ADGRV1: variants seen among roughly 807,000 people sequenced by gnomAD.
The protein encoded by ADGRV1 is adhesion G protein-coupled receptor V1, also known as G-protein coupled receptor 98.
A neutral mutation model predicts 596.2 loss-of-function variants in ADGRV1; 359 were observed. The ratio of observed to expected loss-of-function variants is 0.60; its 90% CI spans 0.55 to 0.66. The LOEUF (loss-of-function observed/expected upper bound fraction) is 0.66, where lower values mean the gene tolerates loss of function less well. Ranked by LOEUF, ADGRV1 falls within the 30% of genes least tolerant of loss-of-function variation. The probability of loss-of-function intolerance (pLI) is 0.00; values close to 1 mark genes in which losing one functional copy is unlikely to be tolerated. For missense variants in ADGRV1, 7,274 were observed against 7,575.6 expected (o/e 0.96, Z 1.48); for synonymous variants, 2,681 against 2,679.2 (o/e 1.00, Z -0.02).
chr5:90,629,029 A>T (rs1407175540), intron 8 of ADGRV1, 181 bp from the exon 9 acceptor site: 2 of 656,854 alleles, frequency 3.0e-6, no homozygotes, highest in African/African-American at 3.6e-5. Flanking sequence ...ACAAACTGTG[A>T]TTTAGGAATA....
chr5:91,154,718 T>G (rs928289616), intron 89 of ADGRV1, among the ~76,000 whole-genome samples: 3 of 152,134 alleles, frequency 2.0e-5, no homozygotes, highest in African/African-American at 7.2e-5. Flanking sequence ...AAATGTACAA[T>G]CATGGCGGAA....
intron 86 of ADGRV1, among the ~76,000 whole-genome samples, chr5:91,078,214 A>C (rs961287512): frequency 2.0e-5 from 3 of 152,070 alleles, no homozygotes; most frequent in Admixed American, 6.5e-5. Context: ...ATTATTATAA[A>C]AATTATTGAA....
intron 85 of ADGRV1, among the ~76,000 whole-genome samples, chr5:90,998,438 C>G (rs1400285083): frequency 6.6e-6 from 1 of 151,900 alleles, no homozygotes; most frequent in Non-Finnish European, 1.5e-5. Context: ...GTATGTAATA[C>G]CCTGTATCGG....
intron 83 of ADGRV1, 30 bp from the exon 84 acceptor site, chr5:90,965,385 T>G: frequency 7.5e-7 from 1 of 1,336,156 alleles, no homozygotes; most frequent in Non-Finnish European, 1.1e-6. Flanking sequence ...TTTAGCATAT[T>G]TTAAAAATAG....
At chr5:91,091,869 G>A (rs1254477303) in intron 86 of ADGRV1, 1 of 152,090 alleles carries the variant, frequency 6.6e-6, no homozygotes, top group Non-Finnish European at 1.5e-5. Flanking sequence ...TTACATCAGG[G>A]AGGGCCATCT....
intron 84 of ADGRV1, among the ~76,000 whole-genome samples, chr5:90,970,482 G>A (rs1443960639): frequency 6.6e-6 from 1 of 151,796 alleles, no homozygotes; most frequent in Non-Finnish European, 1.5e-5. Context: ...CCCAGTAGGG[G>A]CAGACTGACA....
chr5:90,823,951 A>G (rs1420306840), intron 76 of ADGRV1, among the ~76,000 whole-genome samples: 3 of 152,226 alleles, frequency 2.0e-5, no homozygotes, highest in African/African-American at 7.2e-5. Flanking sequence ...ACTTACATAC[A>G]AAGAAAAAAA....
intron 59 of ADGRV1, among the ~76,000 whole-genome samples, chr5:90,772,743 A>G (rs1303315221): frequency 1.3e-5 from 2 of 152,218 alleles, no homozygotes; most frequent in Non-Finnish European, 2.9e-5. Flanking sequence ...ACCTTGGAGA[A>G]ATTACTGTAC....
chr5:90,722,032 T>C (rs1054081866), intron 45 of ADGRV1, among the ~76,000 whole-genome samples: 4 of 152,236 alleles, frequency 2.6e-5, no homozygotes, highest in African/African-American at 9.6e-5. Flanking sequence ...ATAGTGTTAA[T>C]GGAAAGCCTT....
At position 90,756,556 on chromosome 5, in the gene ADGRV1, G is replaced by A. The variant is rs779635749; in HGVS notation, c.11683G>A (p.Gly3895Arg). 10 of 1,613,432 alleles carry A rather than the reference G, an allele frequency of 6.2e-6. No individual in the cohort carries two copies. Among genetic ancestry groups the A allele is most frequent in the African/African-American group, 2.7e-5 (2 of 74,902 alleles). ...AGGACAGCCAAGTGTGCGGAGGCCC[G>A]GAATGGAAATAGCTGAGATAATGAT... is the stretch of plus-strand genomic sequence containing the variant. ...STGQPSVRRP[G>R]MEIAEIMIEE... The change falls in exon 56 of 90, where the codon GGA (glycine) becomes AGA (arginine). Residue 3895 changes from glycine (G) to arginine (R), a missense_variant. Gly to Arg is a moderately radical substitution (Grantham distance 125). Around this residue, in one of 5 missense-constraint regions of ADGRV1, gnomAD observed 3,643 missense variants for 3,809.2 expected, o/e 0.96. Coordinates refer to ENST00000405460, the MANE Select transcript of ADGRV1 (RefSeq NM_032119.4).
intron 85 of ADGRV1, among the ~76,000 whole-genome samples, chr5:91,037,250 T>C (rs756947508): frequency 3.9e-5 from 6 of 152,150 alleles, no homozygotes; most frequent in Non-Finnish European, 7.3e-5. Context: ...ATCTTTTCAG[T>C]AGAAGGACAC....
rs1180433062 is a variant in ADGRV1 at position 90,838,862 on chromosome 5, A to G, written c.16612-1716A>G. Among the ~76,000 whole-genome samples the G allele has an allele frequency of 4.6e-5, 7 of 151,856 alleles. No individual in the cohort carries two copies. In the South Asian group the frequency reaches 6.2e-4, roughly 14 times the overall value. ...TTGATATAGCGAGACCCTCATCTCG[A>G]AAAAAAACCCAAAATGAAACAAACA... On this transcript the variant is annotated intron_variant, in intron 77 of 89. Coordinates refer to ENST00000405460, the MANE Select transcript of ADGRV1 (RefSeq NM_032119.4).
intron 85 of ADGRV1, among the ~76,000 whole-genome samples, chr5:91,052,681 G>A (rs776533690): frequency 3.9e-5 from 6 of 151,996 alleles, no homozygotes; most frequent in African/African-American, 7.3e-5. Context: ...TGATCCACCC[G>A]CCTTGGCCTC....
At chr5:91,126,880 C>G (rs530740989) in intron 87 of ADGRV1, among the ~76,000 whole-genome samples, 1 of 152,230 alleles carries the variant, frequency 6.6e-6, no homozygotes, top group African/African-American at 2.4e-5. Context: ...GGATGTGCCT[C>G]TCTCGGAGGC....
chr5:90,611,866 TA>T (rs1163740719), intron 1 of ADGRV1, among the ~76,000 whole-genome samples: 1 of 152,030 alleles, frequency 6.6e-6, no homozygotes, highest in Non-Finnish European at 1.5e-5. Context: ...CTAGCTACTC[TA>T]AAAAATAAAC....
chr5:90,679,219 A>G (rs1744628424), intron 25 of ADGRV1, among the ~76,000 whole-genome samples: 1 of 152,198 alleles, frequency 6.6e-6, no homozygotes, highest in South Asian at 2.1e-4. Flanking sequence ...AGATAAATAT[A>G]TTTTAAATAT....
chr5:91,024,399 C>T (rs957634728), intron 85 of ADGRV1, among the ~76,000 whole-genome samples: 1 of 152,148 alleles, frequency 6.6e-6, no homozygotes, highest in African/African-American at 2.4e-5. Context: ...CTATTAACTA[C>T]TGTCTTTACT....
chr5:91,134,344 C>A (rs114047421), intron 87 of ADGRV1, among the ~76,000 whole-genome samples: 1 of 152,082 alleles, frequency 6.6e-6, no homozygotes. Context: ...TGCACCACTA[C>A]GCCTGGCTAA....
At chr5:90,902,152 A>T (rs1302136080) in intron 83 of ADGRV1, among the ~76,000 whole-genome samples, 4 of 152,178 alleles carry the variant, frequency 2.6e-5, no homozygotes, top group Non-Finnish European at 5.9e-5. Context: ...GGGTTGAATC[A>T]TTCAAGCTTT....
Sources: allele counts gnomAD v4.1 joint callset (sites outside exome capture counted in the v4.1 genomes callset), GRCh38; gene constraint gnomAD v4.1.1; regional missense constraint gnomAD v4.1.1; transcripts MANE v1.5; gene names NCBI Gene and HGNC (gene_info 2026-07-23, HGNC 2026-07-21).